Variants in HELQ observed in about 807,000 individuals in gnomAD.
HELQ encodes the protein helicase, POLQ like.
Under a neutral mutation model 111.6 loss-of-function variants are expected in HELQ, and 77 were observed. That is an observed-to-expected ratio of 0.69 (90% CI 0.57 to 0.83). The LOEUF (loss-of-function observed/expected upper bound fraction) is 0.83, where lower values mean the gene tolerates loss of function less well. HELQ is among the 40% of genes least tolerant of loss of function. The probability of loss-of-function intolerance (pLI) is 0.00; values close to 1 mark genes in which losing one functional copy is unlikely to be tolerated. For synonymous variants in HELQ, 438 were observed against 454.7 expected (o/e 0.96, Z 0.47); for missense variants, 1,200 against 1,288.5 (o/e 0.93, Z 1.05).
chr4:83,411,076 C>G (rs776510619), intron 17 of HELQ, among the ~76,000 whole-genome samples: 15 of 149,772 alleles, frequency 1.0e-4, no homozygotes, highest in Non-Finnish European at 1.8e-4. Flanking sequence ...GGGAGGATCA[C>G]CTGAGCTTGG....
At chr4:83,451,186 C>T (rs377285498) in intron 2 of HELQ, among the ~76,000 whole-genome samples, 8 of 152,154 alleles carry the variant, frequency 5.3e-5, no homozygotes, top group African/African-American at 1.9e-4. Context: ...AATGTAATTA[C>T]TGACAATCAT....
chr4:83,446,085 A>G lies in HELQ; in HGVS notation c.1394T>C (p.Leu465Ser). 1 of 1,611,986 alleles carries G rather than the reference A, an allele frequency of 6.2e-7. No individual in the cohort carries two copies. The highest frequency in any genetic ancestry group is 1.3e-5 in the African/African-American group (1 of 74,998). Residue 465 changes from leucine to serine, a missense_variant and splice_region_variant, in exon 5 of 18, where the codon TTG (leucine) becomes TCG (serine). Physicochemically the swap from Leu to Ser is moderately radical, Grantham distance 145 (BLOSUM62 -2). Around this residue, in one of 3 missense-constraint regions of HELQ, gnomAD observed 610 missense variants for 607.1 expected, o/e 1.00. Coordinates refer to ENST00000295488, the MANE Select transcript of HELQ (RefSeq NM_133636.5). ...ACGGCTTCCTTCACCAATCATGTGC[A>G]ACTTCGAGATTTTTTTTAAAAAGGA... Reference protein sequence around the residue: ...DSLGLVVVDELHMIGEGSRGA... With the variant: ...DSLGLVVVDESHMIGEGSRGA...
At chr4:83,442,233 C>T (rs536740447) in intron 6 of HELQ, among the ~76,000 whole-genome samples, 5 of 147,152 alleles carry the variant, frequency 3.4e-5, no homozygotes, top group Admixed American at 6.8e-5. Context: ...GAAAATGTTC[C>T]TATCTGGTTC....
intron 4 of HELQ, 83 bp from the exon 5 acceptor site, chr4:83,446,169 T>C (rs1721036794): frequency 1.0e-6 from 1 of 965,576 alleles, no homozygotes; most frequent in Non-Finnish European, 1.6e-6. Flanking sequence ...CATATGAAAT[T>C]TGTTTGTAAA....
chr4:83,449,674 T>C (rs1020529338), intron 2 of HELQ, among the ~76,000 whole-genome samples: 2 of 152,140 alleles, frequency 1.3e-5, no homozygotes, highest in African/African-American at 4.8e-5. Context: ...TCTTTAAAAA[T>C]GTGCTTCAGT....
chr4:83,433,772 A>G (rs1273280358), intron 9 of HELQ, among the ~76,000 whole-genome samples: 2 of 151,972 alleles, frequency 1.3e-5, no homozygotes, highest in African/African-American at 4.8e-5. Context: ...TCACGAGGTC[A>G]ATAGATTAAG....
At chr4:83,423,834 T>G (rs1300174376) in intron 14 of HELQ, among the ~76,000 whole-genome samples, 2 of 151,950 alleles carry the variant, frequency 1.3e-5, no homozygotes, top group Admixed American at 6.6e-5. Context: ...TCACTTGAAC[T>G]TGGGAGGCGG....
At chr4:83,442,800 C>A (rs113316823) in intron 6 of HELQ, among the ~76,000 whole-genome samples, 1 of 152,094 alleles carries the variant, frequency 6.6e-6, no homozygotes, top group South Asian at 2.1e-4. Context: ...AATTCTCATG[C>A]CCCGGCCTCT....
intron 14 of HELQ, among the ~76,000 whole-genome samples, chr4:83,422,036 C>T (rs758721359): frequency 2.0e-5 from 3 of 151,860 alleles, no homozygotes; most frequent in South Asian, 2.1e-4. Context: ...GCCTGGACAA[C>T]GTGGCAAAAC....
At chr4:83,413,724 A>C (rs539942746) in intron 17 of HELQ, among the ~76,000 whole-genome samples, 10 of 152,296 alleles carry the variant, frequency 6.6e-5, no homozygotes, top group African/African-American at 2.4e-4. Context: ...GATATCTTAA[A>C]ATGCTCATTT....
chr4:83,429,788 C>T (rs1208199431), intron 11 of HELQ, 42 bp from the exon 12 acceptor site: 2 of 1,307,554 alleles, frequency 1.5e-6, no homozygotes, highest in Non-Finnish European at 2.2e-6. Flanking sequence ...TTCCTTAATT[C>T]AAGGCATCAC....
rs574290374 is a variant in HELQ, at chr4:83,455,771, C to T, written c.-78G>A. 4 of 1,366,726 alleles carry T rather than the reference C, an allele frequency of 2.9e-6. No homozygotes were observed. Among genetic ancestry groups the T allele is most frequent in the East Asian group, 2.3e-5 (1 of 43,608 alleles). The allele number at this position is 1,366,726 out of a possible 1,614,324, so 84.7% of individuals were successfully genotyped here. A position where few individuals can be genotyped will look rare whatever the true frequency, so the allele number is the denominator to read the frequency against. The stretch of plus-strand genomic sequence containing the variant: ...AGCCCATATGGAAGGGAGAGTGGGA[C>T]GCCGGAGCCCGCTTCTACATCCACC... On this transcript the variant is annotated 5_prime_UTR_variant, in exon 1 of 18. Coordinates refer to ENST00000295488, the MANE Select transcript of HELQ (RefSeq NM_133636.5).
chr4:83,445,586 A>G (rs1161056097), intron 5 of HELQ, among the ~76,000 whole-genome samples: 3 of 152,086 alleles, frequency 2.0e-5, no homozygotes, highest in African/African-American at 7.2e-5. Flanking sequence ...TATTATTATT[A>G]TAATATTTAT....
chr4:83,430,949 T>C (rs1250083402), intron 11 of HELQ, among the ~76,000 whole-genome samples: 1 of 152,070 alleles, frequency 6.6e-6, no homozygotes, highest in African/African-American at 2.4e-5. Context: ...ATCTTTCTAT[T>C]CCTCCCTGAA....
At chr4:83,447,673 A>G (rs1218140177) in intron 3 of HELQ, among the ~76,000 whole-genome samples, 1 of 152,082 alleles carries the variant, frequency 6.6e-6, no homozygotes, top group African/African-American at 2.4e-5. Context: ...AGCCTGGCCA[A>G]CATGGCGAGA....
chr4:83,445,003 T>G (rs1228166308), intron 5 of HELQ, among the ~76,000 whole-genome samples: 1 of 152,170 alleles, frequency 6.6e-6, no homozygotes, highest in Admixed American at 6.6e-5. Flanking sequence ...GATGAGGTAC[T>G]GAACTAAAGA....
At chr4:83,415,442 T>C (rs950521662) in intron 17 of HELQ, among the ~76,000 whole-genome samples, 6 of 152,162 alleles carry the variant, frequency 3.9e-5, no homozygotes, top group Non-Finnish European at 8.8e-5. Context: ...AGGATAATTT[T>C]TGTAACACTA....
At chr4:83,433,340 G>GA (rs1720256408) in intron 9 of HELQ, among the ~76,000 whole-genome samples, 1 of 152,128 alleles carries the variant, frequency 6.6e-6, no homozygotes, top group African/African-American at 2.4e-5. Context: ...AGCATTAACA[G>GA]AAAATTCCAA....
At chr4:83,428,431 T>C (rs1719959526) in intron 12 of HELQ, among the ~76,000 whole-genome samples, 1 of 151,934 alleles carries the variant, frequency 6.6e-6, no homozygotes, top group Non-Finnish European at 1.5e-5. Context: ...CATGGTGACA[T>C]GCCCCTGTAG....
Sources: allele counts gnomAD v4.1 joint callset (sites outside exome capture counted in the v4.1 genomes callset), GRCh38; gene constraint gnomAD v4.1.1; regional missense constraint gnomAD v4.1.1; transcripts MANE v1.5; gene names NCBI Gene and HGNC (gene_info 2026-07-23, HGNC 2026-07-21).